DPYD: variants seen among roughly 807,000 people sequenced by gnomAD.
DPYD encodes dihydropyrimidine dehydrogenase, also known as dihydropyrimidine dehydrogenase [NADP(+)].
In DPYD, 109 loss-of-function variants were observed where a neutral mutation model predicts 116.2. The ratio of observed to expected loss-of-function variants is 0.94; its 90% CI spans 0.80 to 1.10. DPYD has a LOEUF of 1.10. Among genes scored for constraint, DPYD ranks in the 50% least tolerant of loss-of-function variants. DPYD has a pLI of 0.00. For synonymous variants in DPYD, 440 were observed against 432.0 expected, an observed-to-expected ratio of 1.02 and a Z score of -0.23; for missense variants, 1,302 against 1,254.5, an observed-to-expected ratio of 1.04 and a Z score of -0.57.
At chr1:97,681,675 G>T (rs1157726226) in intron 7 of DPYD, among the ~76,000 whole-genome samples, 2 of 152,052 alleles carry the variant, frequency 1.3e-5, no homozygotes, top group African/African-American at 4.8e-5. Flanking sequence ...TGAGGCTTTA[G>T]AACTTTAATT....
intron 19 of DPYD, 33 bp downstream of exon 19, chr1:97,234,819 T>G (rs1211104810): frequency 6.2e-7 from 1 of 1,612,838 alleles, no homozygotes; most frequent in Non-Finnish European, 8.5e-7. Context: ...GAGATGGAGA[T>G]TTTTAAAAGG....
In DPYD at chr1:97,382,392, C is replaced by T. The variant is rs772254904; in HGVS notation, c.1974+1G>A. 12 of 1,582,104 alleles carry T rather than the reference C, an allele frequency of 7.6e-6. No individual in the cohort carries two copies. The highest frequency in any genetic ancestry group is 1.0e-5 in the Non-Finnish European group (12 of 1,158,172). On this transcript the variant is annotated splice_donor_variant, in intron 15 of 22. Transcript: ENST00000370192. LOFTEE classifies it high-confidence loss of function. ...TAAATATATACTAAAGTAACCATTA[C>T]CTCAGACTTCTTGGCAAGTTCCGTC...
At chr1:97,384,379 T>C (rs1672185255) in intron 14 of DPYD, among the ~76,000 whole-genome samples, 1 of 152,142 alleles carries the variant, frequency 6.6e-6, no homozygotes, top group South Asian at 2.1e-4. Context: ...TTTTTTTCTT[T>C]TTCTTTCTGG....
rs185204479 is a variant in DPYD at position 97,869,789 on chromosome 1, G to A, written c.150+13475C>T. ...TTCCTTTGTGTTATCACTTCTGCAC[G>A]ATTTATCTCCCTTTATTAAAATGGT... On this transcript the variant is annotated intron_variant, in intron 2 of 22. Coordinates refer to ENST00000370192, the MANE Select transcript of DPYD (RefSeq NM_000110.4). Among the ~76,000 whole-genome samples the A allele has an allele frequency of 2.6e-5, 4 of 151,846 alleles. No homozygotes were observed. In the East Asian group the frequency reaches 7.8e-4, roughly 30 times the overall value.
At chr1:97,286,861 T>A (rs1665725238) in intron 18 of DPYD, among the ~76,000 whole-genome samples, 1 of 152,226 alleles carries the variant, frequency 6.6e-6, no homozygotes, top group South Asian at 2.1e-4. Flanking sequence ...TGCCTTTGGT[T>A]TGAATTTCCT....
chr1:97,413,112 C>G (rs560048537), intron 14 of DPYD, among the ~76,000 whole-genome samples: 5 of 152,190 alleles, frequency 3.3e-5, no homozygotes, highest in Admixed American at 3.3e-4. Context: ...ATATTTGGAA[C>G]AAAAAGTATG....
At chr1:97,276,902 T>C (rs768179126) in intron 18 of DPYD, among the ~76,000 whole-genome samples, 1 of 152,152 alleles carries the variant, frequency 6.6e-6, no homozygotes, top group Non-Finnish European at 1.5e-5. Context: ...AAGACACATG[T>C]GCTTGTATGT....
intron 3 of DPYD, among the ~76,000 whole-genome samples, chr1:97,782,857 T>A (rs1341440087): frequency 6.6e-6 from 1 of 152,170 alleles, no homozygotes; most frequent in Non-Finnish European, 1.5e-5. Flanking sequence ...ACTGAGAAAG[T>A]ATTCTCTGGA....
rs1482131376 is a variant in DPYD at position 97,356,471 on chromosome 1, G to C, written c.2058+17090C>G. ...TTGTCTATTTTTGCACTTGTTGCCT[G>C]TGATCAGGTAGCAATATTTGCTGTT... On this transcript the variant is annotated intron_variant, in intron 16 of 22. Coordinates refer to ENST00000370192, the MANE Select transcript of DPYD (RefSeq NM_000110.4). Among the ~76,000 whole-genome samples, 8 of 152,154 alleles carry C rather than the reference G, an allele frequency of 5.3e-5. No individual in the cohort carries two copies. The South Asian group carries it at 1.7e-3, about 31-fold the overall frequency.
At chr1:97,084,785 T>G (rs935771300) in intron 21 of DPYD, among the ~76,000 whole-genome samples, 1 of 152,224 alleles carries the variant, frequency 6.6e-6, no homozygotes, top group African/African-American at 2.4e-5. Context: ...TTCTAATTCA[T>G]GTTATGGATA....
At chr1:97,649,373 T>C (rs1333278756) in intron 8 of DPYD, among the ~76,000 whole-genome samples, 3 of 152,098 alleles carry the variant, frequency 2.0e-5, no homozygotes, top group African/African-American at 7.2e-5. Flanking sequence ...GGTTAGCAAA[T>C]TTTAGAAAAT....
At chr1:97,589,365 C>T (rs1299103719) in intron 10 of DPYD, among the ~76,000 whole-genome samples, 1 of 152,142 alleles carries the variant, frequency 6.6e-6, no homozygotes, top group African/African-American at 2.4e-5. Flanking sequence ...GGGGGTGGTT[C>T]CCCCATGCTG....
At chr1:97,096,200 T>G (rs1400112373) in intron 21 of DPYD, among the ~76,000 whole-genome samples, 2 of 152,208 alleles carry the variant, frequency 1.3e-5, no homozygotes, top group Non-Finnish European at 1.5e-5. Flanking sequence ...TTTGATTTTT[T>G]TTTGATTAAT....
chr1:97,524,235 G>A (rs137991809), intron 12 of DPYD, among the ~76,000 whole-genome samples: 1 of 152,178 alleles, frequency 6.6e-6, no homozygotes, highest in Non-Finnish European at 1.5e-5. Flanking sequence ...AGCGAGTTAT[G>A]TTTGTATTTC....
At chr1:97,659,838 T>G (rs1363824852) in intron 8 of DPYD, among the ~76,000 whole-genome samples, 1 of 152,146 alleles carries the variant, frequency 6.6e-6, no homozygotes, top group African/African-American at 2.4e-5. Flanking sequence ...TTCACCTTCA[T>G]TTCTTCAATT....
chr1:97,490,302 AC>A, intron 13 of DPYD, among the ~76,000 whole-genome samples: 1 of 148,970 alleles, frequency 6.7e-6, no homozygotes, highest in Non-Finnish European at 1.5e-5. Context: ...TTATTATTAT[AC>A]TACTACTAAT....
intron 12 of DPYD, chr1:97,546,552 G>A: frequency 1.3e-6 from 2 of 1,599,786 alleles, no homozygotes; most frequent in Middle Eastern, 1.9e-4. Context: ...AGCAAGAAGA[G>A]AGCGCTCTAT....
At chr1:97,881,641 A>C (rs1046854641) in intron 2 of DPYD, among the ~76,000 whole-genome samples, 7 of 152,078 alleles carry the variant, frequency 4.6e-5, no homozygotes, top group African/African-American at 1.7e-4. Flanking sequence ...GCTAATTTCC[A>C]TAAAATAACA....
chr1:97,868,581 A>G (rs897437872), intron 2 of DPYD, among the ~76,000 whole-genome samples: 2 of 151,818 alleles, frequency 1.3e-5, no homozygotes, highest in African/African-American at 4.8e-5. Context: ...TCCTCAGTTC[A>G]TTTAACTCTC....
Sources: allele counts gnomAD v4.1 joint callset (sites outside exome capture counted in the v4.1 genomes callset), GRCh38; gene constraint gnomAD v4.1.1; transcripts MANE v1.5; gene names NCBI Gene and HGNC (gene_info 2026-07-23, HGNC 2026-07-21).